Variants in MAST2 observed in about 807,000 individuals in gnomAD.
MAST2 encodes the protein microtubule-associated serine/threonine-protein kinase 2.
Under a neutral mutation model 147.4 loss-of-function variants are expected in MAST2, and 70 were observed. The ratio of observed to expected loss-of-function variants is 0.47; its 90% confidence interval spans 0.39 to 0.58. The LOEUF is 0.58. Ranked by LOEUF, MAST2 falls within the 20% of genes least tolerant of loss-of-function variation. The pLI is 0.00. For missense variants in MAST2, 2,080 were observed against 2,302.3 expected, an observed-to-expected ratio of 0.90 and a Z score of 1.98; for synonymous variants, 869 against 896.8, an observed-to-expected ratio of 0.97 and a Z score of 0.55.
intron 4 of MAST2, among the ~76,000 whole-genome samples, chr1:45,943,504 G>T (rs6700322): frequency 0.8 from 121,296 of 152,212 alleles, 48,802 homozygotes; most frequent in East Asian, 0.98. Flanking sequence ...GCTAACTAAC[G>T]AAAAGATGCT....
intron 24 of MAST2, 50 bp from the exon 25 acceptor site, chr1:46,032,128 G>T: frequency 7.0e-7 from 1 of 1,418,924 alleles, no homozygotes; most frequent in Non-Finnish European, 1.0e-6. Flanking sequence ...TGGACCAGGG[G>T]CCAGGCCAAA....
chr1:46,018,389 A>G (rs1646046622), intron 10 of MAST2, among the ~76,000 whole-genome samples: 1 of 151,990 alleles, frequency 6.6e-6, no homozygotes, highest in Non-Finnish European at 1.5e-5. Context: ...ACTTCCCTAT[A>G]TTGGTTCTTA....
chr1:46,028,993 A>C, intron 18 of MAST2, 60 bp downstream of exon 18: 1 of 1,503,898 alleles, frequency 6.6e-7, no homozygotes, highest in Non-Finnish European at 8.9e-7. Flanking sequence ...AATATGATGT[A>C]TGCAGGCAGC....
At chr1:45,870,115 G>C (rs939525569) in intron 3 of MAST2, among the ~76,000 whole-genome samples, 1 of 152,220 alleles carries the variant, frequency 6.6e-6, no homozygotes, top group South Asian at 2.1e-4. Flanking sequence ...GTAGAGACAG[G>C]CTTTTGCCAT....
chr1:45,816,550 T>G (rs530606155), intron 1 of MAST2, among the ~76,000 whole-genome samples: 2 of 152,114 alleles, frequency 1.3e-5, no homozygotes, highest in South Asian at 2.1e-4. Context: ...CTAAGGTAAC[T>G]TCAGCAAAGA....
rs936870505 is a variant in MAST2 at position 46,035,667 on chromosome 1, C to G, written c.4998C>G (p.Asp1666Glu). Residue 1666 changes from aspartate to glutamate, a missense_variant, in exon 29 of 29, where the codon GAC becomes GAG. Physicochemically the swap from Asp to Glu is conservative, Grantham distance 45. Transcript: ENST00000361297. The surrounding 1 kb of genome is among the most constrained non-coding windows in gnomAD (Gnocchi z 5.5). ...GGAAATCCCTTATTGAGGGCCCAGA[C>G]AGGGCATCCCCAAGCAGAAAGGCAA... Reference protein sequence around the residue: ...WSWKSLIEGPDRASPSRKATM... With the variant: ...WSWKSLIEGPERASPSRKATM... 2 of 1,614,006 alleles carry G rather than the reference C, an allele frequency of 1.2e-6. No individual in the cohort carries two copies. The highest frequency in any genetic ancestry group is 2.7e-5 in the African/African-American group (2 of 75,012).
intron 5 of MAST2, among the ~76,000 whole-genome samples, chr1:45,978,922 T>C (rs947857887): frequency 6.6e-6 from 1 of 152,156 alleles, no homozygotes; most frequent in Non-Finnish European, 1.5e-5. Context: ...GATAAAAATG[T>C]TCTGGAATTA....
At chr1:45,930,010 T>C (rs1260980583) in intron 4 of MAST2, among the ~76,000 whole-genome samples, 1 of 152,206 alleles carries the variant, frequency 6.6e-6, no homozygotes, top group Non-Finnish European at 1.5e-5. Flanking sequence ...AGCTTTTGAA[T>C]TTTTGCTAAT....
chr1:45,869,518 A>C (rs922408946), intron 3 of MAST2, among the ~76,000 whole-genome samples: 6 of 152,164 alleles, frequency 3.9e-5, no homozygotes, highest in African/African-American at 1.4e-4. Flanking sequence ...TTTAAAGAAA[A>C]ATCAACCAAC....
intron 3 of MAST2, among the ~76,000 whole-genome samples, chr1:45,871,779 C>T (rs1433184889): frequency 6.6e-6 from 1 of 152,210 alleles, no homozygotes; most frequent in African/African-American, 2.4e-5. Context: ...AGAATGTTCA[C>T]CACTCCTACC....
chr1:45,915,709 CAA>C (rs58479623), intron 4 of MAST2, among the ~76,000 whole-genome samples: 157 of 130,784 alleles, frequency 1.2e-3, no homozygotes, highest in African/African-American at 3.6e-3. Flanking sequence ...GACTCTGTCT[CAA>C]AAAAAAAAAA....
intron 5 of MAST2, among the ~76,000 whole-genome samples, chr1:45,995,372 T>G (rs1360091672): frequency 6.6e-6 from 1 of 152,192 alleles, no homozygotes; most frequent in Admixed American, 6.5e-5. Context: ...TGTTTGGGAT[T>G]CTTAGAGATT....
intron 3 of MAST2, among the ~76,000 whole-genome samples, chr1:45,873,674 G>C (rs1014399462): frequency 2.6e-5 from 4 of 152,192 alleles, no homozygotes; most frequent in Non-Finnish European, 5.9e-5. Flanking sequence ...TTATAAGGAA[G>C]TAAGTAGCAG....
chr1:45,937,751 CAAAAAAAAAAAAAAAAAA>C (rs34830747), intron 4 of MAST2, among the ~76,000 whole-genome samples: 9 of 73,224 alleles, frequency 1.2e-4, no homozygotes, highest in African/African-American at 4.9e-4. Flanking sequence ...AACTCCATCT[CAAAAAAAAAAAAAAAAAA>C]AAAAAAAAAA....
chr1:46,008,314 A>G lies in MAST2; in HGVS notation c.921A>G (p.Val307=). 6.2e-7 allele frequency: 1 copy of G among 1,611,770 alleles called. No individual in the cohort carries two copies. Among genetic ancestry groups the G allele is most frequent in the African/African-American group, 1.3e-5 (1 of 74,996 alleles). ...TTTTTAGTCCCGGACGATCCCCAGT[A>G]TCCTTTGACAGTGAAATAATAATGA... The part of the protein sequence containing the change: ...SRSLSPGRSP[V]SFDSEIIMMN... The change falls in exon 9 of 29, where the codon GTA becomes GTG. Residue 307 remains valine, a synonymous_variant. Transcript: ENST00000361297.
intron 7 of MAST2, among the ~76,000 whole-genome samples, chr1:46,004,562 G>C (rs891890296): frequency 2.6e-5 from 4 of 152,124 alleles, no homozygotes; most frequent in Non-Finnish European, 4.4e-5. Flanking sequence ...TAGCTGGTAA[G>C]AATATTTTTT....
chr1:45,980,348 G>A (rs1644357864), intron 5 of MAST2, among the ~76,000 whole-genome samples: 1 of 149,854 alleles, frequency 6.7e-6, no homozygotes, highest in African/African-American at 2.5e-5. Context: ...TGAAAAAGTA[G>A]CTATTGCGTT....
chr1:45,838,604 T>A (rs1231259861), intron 3 of MAST2, among the ~76,000 whole-genome samples: 1 of 152,206 alleles, frequency 6.6e-6, no homozygotes, highest in Non-Finnish European at 1.5e-5. Context: ...TTTTTTGTCT[T>A]ATTGAGTTTC....
chr1:45,853,462 C>T (rs1416683067), intron 3 of MAST2, among the ~76,000 whole-genome samples: 3 of 151,922 alleles, frequency 2.0e-5, no homozygotes, highest in Non-Finnish European at 4.4e-5. Flanking sequence ...TCAAGTGATT[C>T]TCCTGCCCAG....
Sources: gnomAD v4.1 joint callset for allele counts (sites outside exome capture counted in the v4.1 genomes callset) on GRCh38, gnomAD v4.1.1 for gene constraint, Gnocchi (gnomAD v3.1) non-coding constraint, MANE v1.5 for transcripts, NCBI Gene and HGNC (gene_info 2026-07-23, HGNC 2026-07-21) for gene names.